MPP7: variants seen among roughly 807,000 people sequenced by gnomAD.
MPP7 encodes the protein MAGUK p55 subfamily member 7.
In MPP7, 60 loss-of-function variants were observed where a neutral mutation model predicts 76.5. The ratio of observed to expected loss-of-function variants is 0.78; its 90% CI spans 0.64 to 0.97. The LOEUF is 0.97. Among genes scored for constraint, MPP7 ranks in the 50% least tolerant of loss-of-function variants. MPP7 has a pLI of 0.00. For synonymous variants in MPP7, 237 were observed against 244.5 expected (o/e 0.97, Z 0.29); for missense variants, 641 against 694.0 (o/e 0.92, Z 0.86).
At chr10:28,141,489 A>G (rs72803634) in intron 5 of MPP7, among the ~76,000 whole-genome samples, 5,745 of 152,318 alleles carry the variant, frequency 0.038, 159 homozygotes, top group Middle Eastern at 0.082. Context: ...AAGGTGGTAT[A>G]AAATAAGTAT....
chr10:28,299,438 T>C (rs1208224608), intron 1 of MPP7, among the ~76,000 whole-genome samples: 1 of 152,148 alleles, frequency 6.6e-6, no homozygotes, highest in Non-Finnish European at 1.5e-5. Flanking sequence ...GTTCACCATA[T>C]TATATAGGTG....
intron 1 of MPP7, among the ~76,000 whole-genome samples, chr10:28,290,879 C>T (rs1395308233): frequency 6.6e-6 from 1 of 152,204 alleles, no homozygotes; most frequent in Non-Finnish European, 1.5e-5. Flanking sequence ...ATGAATTGAA[C>T]TGTTTTTATT....
At chr10:28,311,022 A>G (rs894339416) in intron 2 of MPP7, among the ~76,000 whole-genome samples, 2 of 152,200 alleles carry the variant, frequency 1.3e-5, no homozygotes, top group East Asian at 3.8e-4. Context: ...TGACTTATTC[A>G]CTATGGGATC....
chr10:28,213,565 C>T (rs747440507), intron 2 of MPP7, among the ~76,000 whole-genome samples: 3 of 151,726 alleles, frequency 2.0e-5, no homozygotes, highest in Non-Finnish European at 2.9e-5. Context: ...GAGGCCAAGG[C>T]GGGCAGATCA....
intron 1 of MPP7, among the ~76,000 whole-genome samples, chr10:28,255,867 G>GT (rs1193709476): frequency 6.6e-6 from 1 of 152,184 alleles, no homozygotes; most frequent in Non-Finnish European, 1.5e-5. Flanking sequence ...CTCATTAGTG[G>GT]TATCCTAAAA....
chr10:28,324,488 G>A (rs1417292086), intron 2 of MPP7, among the ~76,000 whole-genome samples: 1 of 152,160 alleles, frequency 6.6e-6, no homozygotes, highest in Admixed American at 6.5e-5. Context: ...TCACTCAAGG[G>A]TTCTTTAATT....
intron 1 of MPP7, among the ~76,000 whole-genome samples, chr10:28,276,615 AAAAACTAGGG>A (rs1414536730): frequency 1.3e-5 from 2 of 152,106 alleles, no homozygotes; most frequent in Admixed American, 6.5e-5. Context: ...ACTACAGATG[AAAAACTAGGG>A]AGGCATCACA....
intron 2 of MPP7, among the ~76,000 whole-genome samples, chr10:28,325,877 G>A (rs944763882): frequency 6.6e-6 from 1 of 151,086 alleles, no homozygotes; most frequent in African/African-American, 2.4e-5. Flanking sequence ...TCTGGAGCCT[G>A]AAGTGGGAGG....
intron 12 of MPP7, among the ~76,000 whole-genome samples, chr10:28,074,865 C>CAACTCTT (rs1392451899): frequency 6.6e-6 from 1 of 152,208 alleles, no homozygotes; most frequent in Non-Finnish European, 1.5e-5. Context: ...CTAATATCTT[C>CAACTCTT]AACTCTTTTA....
intron 2 of MPP7, among the ~76,000 whole-genome samples, chr10:28,309,964 A>G (rs1043288215): frequency 1.3e-5 from 2 of 150,372 alleles, no homozygotes; most frequent in African/African-American, 4.9e-5. Context: ...CGCCATGCTC[A>G]TCCAGCCTGC....
intron 7 of MPP7, 52 bp downstream of exon 7, chr10:28,124,958 T>C: frequency 6.9e-7 from 1 of 1,452,012 alleles, no homozygotes; most frequent in Non-Finnish European, 9.7e-7. Flanking sequence ...CTGGAAATGC[T>C]ACACACGAAA....
intron 12 of MPP7, among the ~76,000 whole-genome samples, chr10:28,082,630 T>A (rs1852817549): frequency 6.6e-6 from 1 of 152,102 alleles, no homozygotes; most frequent in South Asian, 2.1e-4. Flanking sequence ...CTAATTTTAT[T>A]TTATTTTGTT....
chr10:28,107,258 T>C (rs919542617), intron 11 of MPP7, among the ~76,000 whole-genome samples: 2 of 152,160 alleles, frequency 1.3e-5, no homozygotes, highest in East Asian at 3.9e-4. Flanking sequence ...CCAGCTCTAA[T>C]GGCCTCTCTT....
intron 11 of MPP7, among the ~76,000 whole-genome samples, chr10:28,110,443 C>T (rs7913322): frequency 0.26 from 39,510 of 152,086 alleles, 7,244 homozygotes; most frequent in East Asian, 0.88. Flanking sequence ...AGTACATTTA[C>T]TTTTGTAAAT....
At chr10:28,166,299 T>C (rs1836454547) in intron 3 of MPP7, among the ~76,000 whole-genome samples, 1 of 151,796 alleles carries the variant, frequency 6.6e-6, no homozygotes, top group Admixed American at 6.6e-5. Context: ...TCCACTAGAA[T>C]AGTACAAATA....
intron 13 of MPP7, among the ~76,000 whole-genome samples, chr10:28,063,708 G>A (rs554333883): frequency 1.3e-5 from 2 of 152,208 alleles, no homozygotes; most frequent in South Asian, 2.1e-4. Flanking sequence ...TACTCCTTAT[G>A]AGAATCTAAT....
chr10:28,105,704 C>T (rs1422019110), intron 11 of MPP7, among the ~76,000 whole-genome samples: 3 of 152,098 alleles, frequency 2.0e-5, no homozygotes, highest in East Asian at 1.9e-4. Context: ...GAAGGAGTTT[C>T]GTCACATTGG....
chr10:28,331,036 T>A (rs1454475801), intron 1 of MPP7, among the ~76,000 whole-genome samples: 2 of 152,216 alleles, frequency 1.3e-5, no homozygotes, highest in East Asian at 3.8e-4. Flanking sequence ...ATTATGTGTG[T>A]CATACTTGTT....
intron 1 of MPP7, among the ~76,000 whole-genome samples, chr10:28,286,391 T>C (rs774475875): frequency 6.6e-6 from 1 of 152,064 alleles, no homozygotes; most frequent in African/African-American, 2.4e-5. Flanking sequence ...ATTTCTTTCC[T>C]AGCGTTACTA....
Sources: allele counts gnomAD v4.1 joint callset (sites outside exome capture counted in the v4.1 genomes callset), GRCh38; gene constraint gnomAD v4.1.1; transcripts MANE v1.5; gene names NCBI Gene and HGNC (gene_info 2026-07-23, HGNC 2026-07-21).